GALNT13: variants seen among roughly 807,000 people sequenced by gnomAD.
The protein encoded by GALNT13 is UDP-GalNAc:polypeptide N-acetylgalactosaminyltransferase 13.
A neutral mutation model predicts 64.2 loss-of-function variants in GALNT13; 28 were observed. The ratio of observed to expected loss-of-function variants is 0.44; its 90% confidence interval spans 0.32 to 0.60. The LOEUF (loss-of-function observed/expected upper bound fraction) is 0.60, where lower values mean the gene tolerates loss of function less well. Among genes scored for constraint, GALNT13 ranks in the 20% least tolerant of loss-of-function variants. The pLI is 0.05. For synonymous variants in GALNT13, 214 were observed against 224.6 expected (o/e 0.95, Z 0.42); for missense variants, 577 against 669.8 (o/e 0.86, Z 1.53).
At chr2:153,991,328 G>A (rs1237448024) in intron 3 of GALNT13, among the ~76,000 whole-genome samples, 1 of 152,130 alleles carries the variant, frequency 6.6e-6, no homozygotes, top group Non-Finnish European at 1.5e-5. Context: ...GGGACCTGAA[G>A]ATAAGCCTGA....
chr2:153,454,310 C>T, the GALNT13 span, among the ~76,000 whole-genome samples: 4 of 152,122 alleles, frequency 2.6e-5, no homozygotes, highest in African/African-American at 7.2e-5. Context: ...TTAACTTTAG[C>T]TTCTTTACTA....
rs1688778124 is a variant in GALNT13 at position 153,909,152 on chromosome 2, A to G, written c.-105+8145A>G. On this transcript the variant is annotated intron_variant, in intron 2 of 12. Transcript: ENST00000392825. ...TAACTATATTCCTAGGTATTTTGTC[A>G]CAGTTGTGAATGGGATTGCTTTCCT... Among the ~76,000 whole-genome samples the G allele has an allele frequency of 2.6e-5, 4 of 151,926 alleles. 1 individual carries two copies. In the South Asian group the frequency reaches 8.3e-4, roughly 32 times the overall value.
At chr2:153,097,426 A>G in the GALNT13 span, among the ~76,000 whole-genome samples, 1 of 152,102 alleles carries the variant, frequency 6.6e-6, no homozygotes, top group African/African-American at 2.4e-5. Flanking sequence ...CTATTGTGCC[A>G]TCTTGTTCCA....
chr2:153,717,289 C>A, the GALNT13 span, among the ~76,000 whole-genome samples: 2 of 152,178 alleles, frequency 1.3e-5, no homozygotes, highest in Admixed American at 6.5e-5. Flanking sequence ...GCAAGTTTCA[C>A]TTCCATTCTG....
chr2:154,147,853 A>T (rs1245303313), intron 4 of GALNT13, among the ~76,000 whole-genome samples: 1 of 149,714 alleles, frequency 6.7e-6, no homozygotes, highest in Non-Finnish European at 1.5e-5. Context: ...ATCCACTATC[A>T]TGGTTGTTAA....
chr2:154,243,807 T>C (rs1689626969), intron 6 of GALNT13, among the ~76,000 whole-genome samples: 1 of 152,196 alleles, frequency 6.6e-6, no homozygotes, highest in Admixed American at 6.5e-5. Context: ...CCTTCTAGAA[T>C]TGACATTTTT....
At chr2:153,070,697 A>T in the GALNT13 span, among the ~76,000 whole-genome samples, 1 of 152,190 alleles carries the variant, frequency 6.6e-6, no homozygotes, top group Non-Finnish European at 1.5e-5. Flanking sequence ...GTACATATGG[A>T]GACACCGGAA....
the GALNT13 span, chr2:153,337,652 T>C: frequency 6.6e-6 from 1 of 152,212 alleles, no homozygotes; most frequent in South Asian, 2.1e-4. Context: ...AGATAATCAA[T>C]TGATGCAGTC....
chr2:154,223,049 C>G (rs1163875727), intron 4 of GALNT13, among the ~76,000 whole-genome samples: 1 of 152,002 alleles, frequency 6.6e-6, no homozygotes, highest in African/African-American at 2.4e-5. Context: ...TTTATTAAAC[C>G]AAAAATTATA....
At chr2:153,835,192 A>G in the GALNT13 span, among the ~76,000 whole-genome samples, 1 of 152,008 alleles carries the variant, frequency 6.6e-6, no homozygotes, top group Admixed American at 6.6e-5. Flanking sequence ...TTAAATATAT[A>G]TACTTAAAAG....
chr2:153,893,298 C>T (rs1687675008), intron 1 of GALNT13, among the ~76,000 whole-genome samples: 1 of 152,062 alleles, frequency 6.6e-6, no homozygotes, highest in Admixed American at 6.6e-5. Flanking sequence ...TATTTTCCAG[C>T]TCTTTTAATG....
chr2:154,039,738 T>C (rs1423774168), intron 3 of GALNT13, among the ~76,000 whole-genome samples: 1 of 139,274 alleles, frequency 7.2e-6, no homozygotes, highest in Admixed American at 7.2e-5. Context: ...TAATTTATTG[T>C]ATATGTTAAA....
At chr2:154,195,537 C>A (rs1299860736) in intron 4 of GALNT13, among the ~76,000 whole-genome samples, 2 of 152,112 alleles carry the variant, frequency 1.3e-5, no homozygotes, top group East Asian at 3.9e-4. Flanking sequence ...AAATATATCA[C>A]CCTAAATTCA....
Position 154,306,704 on chromosome 2 carries a change from G to A in GALNT13, c.1156+5115G>A, listed in dbSNP as rs182132494. 2.5e-3 allele frequency among the ~76,000 whole-genome samples: 372 copies of A among 150,970 alleles called. 2 individuals are homozygous for A. Among genetic ancestry groups the A allele is most frequent in the Non-Finnish European group, 4.1e-3 (278 of 67,820 alleles). On this transcript the variant is annotated intron_variant, in intron 9 of 12. Coordinates refer to ENST00000392825, the MANE Select transcript of GALNT13 (RefSeq NM_052917.4). ...AAGTGGGTTTTTCTTGCAGTCTTCTGTTCCTGGGTGGGATCACAGAACTGG... is the reference window on the plus strand; with the variant it reads ...AAGTGGGTTTTTCTTGCAGTCTTCTATTCCTGGGTGGGATCACAGAACTGG...
At chr2:153,784,041 A>G in the GALNT13 span, among the ~76,000 whole-genome samples, 1 of 152,174 alleles carries the variant, frequency 6.6e-6, no homozygotes, top group African/African-American at 2.4e-5. Context: ...CAACTTTGGA[A>G]CTGGGTAACA....
At chr2:154,052,628 C>T (rs1699686560) in intron 3 of GALNT13, among the ~76,000 whole-genome samples, 1 of 152,058 alleles carries the variant, frequency 6.6e-6, no homozygotes, top group South Asian at 2.1e-4. Context: ...AGCATAGGAC[C>T]CTCAAGTGTA....
At chr2:154,019,100 T>C (rs13400898) in intron 3 of GALNT13, among the ~76,000 whole-genome samples, 18,332 of 152,064 alleles carry the variant, frequency 0.12, 1,899 homozygotes, top group African/African-American at 0.28. Flanking sequence ...TATTCCTTGA[T>C]GCTAGTGCCA....
chr2:154,031,212 G>C (rs1338934992), intron 3 of GALNT13, among the ~76,000 whole-genome samples: 1 of 151,930 alleles, frequency 6.6e-6, no homozygotes, highest in Non-Finnish European at 1.5e-5. Flanking sequence ...TTTGGGAGTT[G>C]ACTAAAGATA....
At chr2:154,136,601 C>A (rs988090198) in intron 3 of GALNT13, among the ~76,000 whole-genome samples, 1 of 151,938 alleles carries the variant, frequency 6.6e-6, no homozygotes, top group Non-Finnish European at 1.5e-5. Flanking sequence ...TTCTTTAACA[C>A]TGGGAATTCT....
Sources: allele counts gnomAD v4.1 joint callset (sites outside exome capture counted in the v4.1 genomes callset), GRCh38; gene constraint gnomAD v4.1.1; transcripts MANE v1.5; gene names NCBI Gene and HGNC (gene_info 2026-07-23, HGNC 2026-07-21).